The following SIL1 variants were observed in gnomAD, a reference collection of about 807,000 sequenced individuals.
SIL1 encodes the protein nucleotide exchange factor SIL1.
A neutral mutation model predicts 49.1 loss-of-function variants in SIL1; 40 were observed. The ratio of observed to expected loss-of-function variants is 0.81; its 90% CI spans 0.63 to 1.06. The LOEUF (loss-of-function observed/expected upper bound fraction) is 1.06. SIL1 is among the 50% of genes least tolerant of loss of function. SIL1 has a pLI of 0.00. For synonymous variants in SIL1, 253 were observed against 250.8 expected, an observed-to-expected ratio of 1.01 and a Z score of -0.08; for missense variants, 500 against 572.6, an observed-to-expected ratio of 0.87 and a Z score of 1.29.
Position 138,951,884 on chromosome 5 carries a change from G to T in SIL1, c.768C>A (p.Ser256Arg). The change falls in exon 8 of 10, where the codon AGC becomes AGA. Residue 256 changes from serine (S) to arginine (R), a missense_variant and splice_region_variant. Transcript: ENST00000394817. ...AAFVLGAAFSSNPKVQVEAIE... is the reference protein window; with the variant it reads ...AAFVLGAAFSRNPKVQVEAIE... ...TGGCCTCCACCTGGACCTTGGGGTT[G>T]CTGGGGAAGAAGCACAGGACAGCAT... 1 of 1,613,450 alleles carries T rather than the reference G, an allele frequency of 6.2e-7. No individual in the cohort carries two copies.
chr5:139,157,680 A>G (rs1751431026), intron 1 of SIL1, among the ~76,000 whole-genome samples: 1 of 152,232 alleles, frequency 6.6e-6, no homozygotes, highest in South Asian at 2.1e-4. Context: ...GTGGAGAAAC[A>G]CAGCAGTATG....
At chr5:139,162,146 T>G (rs1296526637) in intron 1 of SIL1, among the ~76,000 whole-genome samples, 1 of 152,164 alleles carries the variant, frequency 6.6e-6, no homozygotes, top group Admixed American at 6.5e-5. Context: ...TGGCCAATAT[T>G]TGCCATGAAA....
intron 1 of SIL1, chr5:139,155,469 G>GAGAGAGAGAGAGAGAGAGAGAGAC (rs1751389542): frequency 6.6e-6 from 1 of 152,084 alleles, no homozygotes; most frequent in African/African-American, 2.4e-5. Flanking sequence ...GAGAGAGAGA[G>GAGAGAGAGAGAGAGAGAGAGAGAC]AGAGAGAGAA....
intron 4 of SIL1, among the ~76,000 whole-genome samples, chr5:139,048,015 G>A (rs999492828): frequency 3.3e-5 from 5 of 152,192 alleles, no homozygotes; most frequent in African/African-American, 2.4e-5. Context: ...AAAGCAGTAC[G>A]TGTTCACACT....
intron 1 of SIL1, among the ~76,000 whole-genome samples, chr5:139,193,023 A>C (rs1176094583): frequency 6.7e-6 from 1 of 148,706 alleles, no homozygotes; most frequent in African/African-American, 2.5e-5. Flanking sequence ...AAAAAAAAAA[A>C]AACAGGAAAG....
intron 7 of SIL1, among the ~76,000 whole-genome samples, chr5:138,986,410 T>C (rs1415184758): frequency 1.3e-5 from 2 of 152,230 alleles, no homozygotes; most frequent in African/African-American, 4.8e-5. Flanking sequence ...AGGACGCAAC[T>C]TGCACAAATA....
intron 3 of SIL1, among the ~76,000 whole-genome samples, chr5:139,087,786 G>A (rs1770255671): frequency 6.6e-6 from 1 of 152,094 alleles, no homozygotes; most frequent in Non-Finnish European, 1.5e-5. Flanking sequence ...TCAGGATATA[G>A]GAGCAACTGG....
At chr5:139,038,828 G>A (rs1205761119) in intron 5 of SIL1, among the ~76,000 whole-genome samples, 1 of 152,236 alleles carries the variant, frequency 6.6e-6, no homozygotes, top group Non-Finnish European at 1.5e-5. Flanking sequence ...CCCAGAGAGG[G>A]AAGCAGAATG....
chr5:139,139,567 A>G (rs183903292), intron 1 of SIL1, among the ~76,000 whole-genome samples: 13 of 152,374 alleles, frequency 8.5e-5, no homozygotes, highest in African/African-American at 3.1e-4. Flanking sequence ...CCTTGAGCAC[A>G]CTGGGCACCA....
At position 139,048,617 on chromosome 5, in the gene SIL1, G is replaced by A. The variant is rs113256907; in HGVS notation, c.353+2321C>T. 1.0e-3 allele frequency among the ~76,000 whole-genome samples: 156 copies of A among 152,032 alleles called. 1 individual carries two copies. Among genetic ancestry groups the A allele is most frequent in the Middle Eastern group, 6.8e-3 (2 of 294 alleles). ...AATCCTAGGCTCAAACGATCCACCC[G>A]CCTCAGCCTCCCAAAATGTTGGTAT... On this transcript the variant is annotated intron_variant, in intron 4 of 9. Coordinates refer to ENST00000394817, the MANE Select transcript of SIL1 (RefSeq NM_022464.5).
intron 1 of SIL1, among the ~76,000 whole-genome samples, chr5:139,129,688 G>C (rs538478915): frequency 6.6e-6 from 1 of 152,138 alleles, no homozygotes; most frequent in East Asian, 1.9e-4. Flanking sequence ...AATAATAAGA[G>C]TACAGTTGGA....
intron 1 of SIL1, among the ~76,000 whole-genome samples, chr5:139,134,528 C>T (rs937026735): frequency 1.3e-5 from 2 of 151,840 alleles, no homozygotes; most frequent in South Asian, 2.1e-4. Flanking sequence ...AGCTCCTGCT[C>T]CCTGTTAGAT....
At chr5:139,193,158 G>A (rs1244148197) in intron 1 of SIL1, among the ~76,000 whole-genome samples, 3 of 152,116 alleles carry the variant, frequency 2.0e-5, no homozygotes, top group African/African-American at 7.2e-5. Context: ...CAGCCCAGAA[G>A]GGGTGAAAAT....
At chr5:139,152,052 G>A (rs568803955) in intron 1 of SIL1, among the ~76,000 whole-genome samples, 185 of 152,318 alleles carry the variant, frequency 1.2e-3, no homozygotes, top group African/African-American at 4.3e-3. Context: ...CTGCAAAGAG[G>A]CTCTGAGGTG....
intron 3 of SIL1, among the ~76,000 whole-genome samples, chr5:139,060,483 C>T (rs1341655561): frequency 3.3e-5 from 5 of 151,024 alleles, no homozygotes; most frequent in Non-Finnish European, 7.4e-5. Context: ...ATGTTAAGGC[C>T]CTTAACTCAG....
intron 1 of SIL1, among the ~76,000 whole-genome samples, chr5:139,189,161 CA>C (rs1752125033): frequency 6.6e-6 from 1 of 152,166 alleles, no homozygotes; most frequent in Non-Finnish European, 1.5e-5. Context: ...GCATTTACAT[CA>C]GGGGTCCCAA....
At chr5:139,033,586 T>C (rs947700496) in intron 5 of SIL1, among the ~76,000 whole-genome samples, 6 of 152,016 alleles carry the variant, frequency 3.9e-5, no homozygotes, top group African/African-American at 1.4e-4. Context: ...ATCTTTTTTT[T>C]TTAACCTCCC....
intron 7 of SIL1, chr5:139,017,145 C>G (rs896739422): frequency 6.6e-6 from 1 of 152,128 alleles, no homozygotes; most frequent in Non-Finnish European, 1.5e-5. Context: ...CCATTGCACC[C>G]AGGTTCAAAG....
At chr5:139,110,501 T>C (rs1770817958) in intron 3 of SIL1, among the ~76,000 whole-genome samples, 1 of 152,106 alleles carries the variant, frequency 6.6e-6, no homozygotes, top group Non-Finnish European at 1.5e-5. Context: ...AAACTAAAAC[T>C]CAATCTTTGT....
Sources: allele counts gnomAD v4.1 joint callset (sites outside exome capture counted in the v4.1 genomes callset), GRCh38; gene constraint gnomAD v4.1.1; transcripts MANE v1.5; gene names NCBI Gene and HGNC (gene_info 2026-07-23, HGNC 2026-07-21).